The following SLC35A1 variants were observed in gnomAD, a reference collection of about 807,000 sequenced individuals.
The protein encoded by SLC35A1 is CMP-sialic acid transporter.
A neutral mutation model predicts 40.3 loss-of-function variants in SLC35A1; 21 were observed. The observed-to-expected ratio is 0.52, with a 90% CI of 0.37 to 0.75. The LOEUF is 0.75. Among genes scored for constraint, SLC35A1 ranks in the 30% least tolerant of loss-of-function variants. The pLI, the probability that SLC35A1 is intolerant of heterozygous loss-of-function variation, is 0.00. For missense variants in SLC35A1, 297 were observed against 382.1 expected (o/e 0.78, Z 1.86); for synonymous variants, 146 against 147.3 (o/e 0.99, Z 0.06).
chr6:87,478,032 G>A (rs998749754), intron 2 of SLC35A1, among the ~76,000 whole-genome samples: 1 of 152,202 alleles, frequency 6.6e-6, no homozygotes, highest in African/African-American at 2.4e-5. Context: ...TTAAGTGCTA[G>A]GCACTGTGCT....
chr6:87,502,868 G>T (rs559516139), intron 4 of SLC35A1, among the ~76,000 whole-genome samples: 2 of 152,292 alleles, frequency 1.3e-5, no homozygotes, highest in African/African-American at 4.8e-5. Flanking sequence ...GGTTAAGTGG[G>T]TTCCAAGTGT....
In SLC35A1 at chr6:87,511,626, CT is replaced by C; in HGVS notation, c.*101del. 1 of 1,299,666 alleles carries C rather than the reference CT, an allele frequency of 7.7e-7. No individual in the cohort carries two copies. The highest frequency in any genetic ancestry group is 1.1e-6 in the Non-Finnish European group (1 of 895,332). The allele number at this position is 1,299,666 out of a possible 1,614,324, so 80.5% of individuals were successfully genotyped here. On this transcript the variant is annotated 3_prime_UTR_variant, in exon 8 of 8. Transcript: ENST00000369552. ...GGTAGCATAAACAAATAAAAATTAA[CT>C]GTATGGCATGATCAGTGCGGTTATG...
Position 87,511,614 on chromosome 6 carries a change from A to C in SLC35A1, c.*88A>C. On this transcript the variant is annotated 3_prime_UTR_variant, in exon 8 of 8. Transcript: ENST00000369552. ...TCAATCTCAGAAGGTAGCATAAACA[A>C]ATAAAAATTAACTGTATGGCATGAT... is the stretch of plus-strand genomic sequence containing the variant. 7.1e-7 allele frequency: 1 copy of C among 1,409,348 alleles called. No individual in the cohort carries two copies. The highest frequency in any genetic ancestry group is 1.2e-5 in the South Asian group (1 of 86,246). 87.3% of individuals were successfully genotyped at this position (1,409,348 alleles called of 1,614,324 possible).
At chr6:87,505,987 T>C (rs1188835598) in intron 4 of SLC35A1, among the ~76,000 whole-genome samples, 1 of 152,208 alleles carries the variant, frequency 6.6e-6, no homozygotes, top group Non-Finnish European at 1.5e-5. Flanking sequence ...TGATGAGGAA[T>C]AAATAAGTTA....
intron 7 of SLC35A1, among the ~76,000 whole-genome samples, chr6:87,511,110 A>G (rs1375979149): frequency 3.9e-5 from 6 of 151,956 alleles, no homozygotes; most frequent in Non-Finnish European, 8.8e-5. Flanking sequence ...TTTTATAGGG[A>G]AATTAGTTAT....
chr6:87,500,564 G>T lies in SLC35A1; in HGVS notation c.251G>T (p.Ser84Ile), dbSNP rs762703668. 6.2e-7 allele frequency: 1 copy of T among 1,613,912 alleles called. No homozygotes were observed. The highest frequency in any genetic ancestry group is 8.5e-7 in the Non-Finnish European group (1 of 1,179,862). Residue 84 changes from serine to isoleucine, a missense_variant, in exon 3 of 8, where the codon AGC (serine) becomes ATC (isoleucine). Physicochemically the swap from Ser to Ile is moderately radical, Grantham distance 142 (BLOSUM62 -2). Coordinates refer to ENST00000369552, the MANE Select transcript of SLC35A1 (RefSeq NM_006416.5). ...TCTTTAAGAGAAAATGTCTTGGGGAGCCCCAAGGAACTGTTGAAGTTAAGT... is the reference window on the plus strand; with the variant it reads ...TCTTTAAGAGAAAATGTCTTGGGGATCCCCAAGGAACTGTTGAAGTTAAGT... ...KASLRENVLG[S>I]PKELLKLSVP... is the part of the protein sequence containing the mutation.
intron 2 of SLC35A1, among the ~76,000 whole-genome samples, chr6:87,500,139 G>C (rs1417296452): frequency 1.3e-5 from 2 of 152,010 alleles, no homozygotes; most frequent in Non-Finnish European, 2.9e-5. Flanking sequence ...TATGCAAACT[G>C]ATCAATTAAA....
intron 2 of SLC35A1, among the ~76,000 whole-genome samples, chr6:87,492,545 ATTTTT>A (rs59459204): frequency 8.7e-6 from 1 of 115,042 alleles, no homozygotes. Flanking sequence ...ATTTATCTTG[ATTTTT>A]TTTTTTTTTT....
At chr6:87,504,231 T>C (rs6923230) in intron 4 of SLC35A1, among the ~76,000 whole-genome samples, 91,369 of 149,806 alleles carry the variant, frequency 0.61, 28,565 homozygotes, top group African/African-American at 0.75. Context: ...GTTGAGGCTG[T>C]AGTGAACCAT....
intron 2 of SLC35A1, among the ~76,000 whole-genome samples, chr6:87,494,403 A>AT (rs1342002388): frequency 4.7e-5 from 7 of 148,032 alleles, no homozygotes; most frequent in African/African-American, 1.3e-4. Flanking sequence ...AAATAAGGTG[A>AT]TTTTTTTTAA....
At chr6:87,480,147 T>A (rs1023939951) in intron 2 of SLC35A1, among the ~76,000 whole-genome samples, 4 of 152,206 alleles carry the variant, frequency 2.6e-5, no homozygotes, top group Non-Finnish European at 5.9e-5. Context: ...CTGTTAAGTC[T>A]CCAAGAAATG....
At chr6:87,484,830 A>G (rs1288901163) in intron 2 of SLC35A1, among the ~76,000 whole-genome samples, 1 of 152,234 alleles carries the variant, frequency 6.6e-6, no homozygotes, top group Non-Finnish European at 1.5e-5. Context: ...ACGTACTGAC[A>G]TGCTGATTCT....
chr6:87,483,599 G>A (rs7760237), intron 2 of SLC35A1, among the ~76,000 whole-genome samples: 17,639 of 152,014 alleles, frequency 0.12, 1,118 homozygotes, highest in African/African-American at 0.16. Context: ...GTCTTCCCTC[G>A]CCTGTCCTGG....
intron 4 of SLC35A1, among the ~76,000 whole-genome samples, chr6:87,504,081 G>A (rs1770003497): frequency 6.6e-6 from 1 of 152,032 alleles, no homozygotes; most frequent in South Asian, 2.1e-4. Flanking sequence ...CTTGAGCCCA[G>A]GAGTTCAAGA....
chr6:87,484,483 AC>A (rs1194163415), intron 2 of SLC35A1, among the ~76,000 whole-genome samples: 1 of 152,180 alleles, frequency 6.6e-6, no homozygotes, highest in Non-Finnish European at 1.5e-5. Flanking sequence ...TTCCTGATGC[AC>A]GTGGCCCCTG....
chr6:87,477,222 G>T, intron 1 of SLC35A1, 140 bp from the exon 2 acceptor site: 5 of 724,222 alleles, frequency 6.9e-6, no homozygotes, highest in Non-Finnish European at 6.8e-6. Flanking sequence ...ACATTGTTTT[G>T]AAAAAAATTT....
At chr6:87,508,334 T>A in intron 5 of SLC35A1, 86 bp from the exon 6 acceptor site, 1 of 870,578 alleles carries the variant, frequency 1.1e-6, no homozygotes, top group Non-Finnish European at 1.8e-6. Flanking sequence ...ATACTTTATA[T>A]ATCTCTAGGG....
chr6:87,481,135 G>C (rs1033391399), intron 2 of SLC35A1, among the ~76,000 whole-genome samples: 4 of 152,116 alleles, frequency 2.6e-5, no homozygotes, highest in African/African-American at 9.7e-5. Context: ...GGGACACCAG[G>C]CTGGGCGCGG....
chr6:87,504,713 T>C (rs935014200), intron 4 of SLC35A1, among the ~76,000 whole-genome samples: 7 of 152,182 alleles, frequency 4.6e-5, no homozygotes, highest in African/African-American at 1.7e-4. Context: ...CTTGTCAGAA[T>C]CAAGTCCAGA....
Sources: gnomAD v4.1 joint callset for allele counts (sites outside exome capture counted in the v4.1 genomes callset) on GRCh38, gnomAD v4.1.1 for gene constraint, MANE v1.5 for transcripts, NCBI Gene and HGNC (gene_info 2026-07-23, HGNC 2026-07-21) for gene names.